Variants in CTC1 observed in about 807,000 individuals in gnomAD.
CTC1 encodes the protein CST telomere replication complex component 1, also known as CST complex subunit CTC1.
In CTC1, 91 loss-of-function variants were observed where a neutral mutation model predicts 136.3. The observed-to-expected ratio is 0.67, with a 90% CI of 0.56 to 0.79. The LOEUF is 0.79. CTC1 is among the 30% of genes least tolerant of loss of function. The pLI, the probability that CTC1 is intolerant of heterozygous loss-of-function variation, is 0.00. For missense variants in CTC1, 1,432 were observed against 1,498.1 expected, an observed-to-expected ratio of 0.96 and a Z score of 0.73; for synonymous variants, 606 against 613.8, an observed-to-expected ratio of 0.99 and a Z score of 0.19.
rs1201400384 is a variant in CTC1, at chr17:8,234,748, C to T, written c.1617+1G>A. 6.3e-7 allele frequency: 1 copy of T among 1,587,840 alleles called. No homozygotes were observed. The highest frequency in any genetic ancestry group is 1.1e-5 in the South Asian group (1 of 87,112). On this transcript the variant is annotated splice_donor_variant, in intron 9 of 22. Coordinates refer to ENST00000651323, the MANE Select transcript of CTC1 (RefSeq NM_025099.6). LOFTEE classifies it high-confidence loss of function. ...ACCATCCTTCCCCCACATCCTCATA[C>T]TTTCTGGAGGGGACAGTGATGTGGC...
At position 8,236,045 on chromosome 17, in the gene CTC1, T is replaced by TCGATCTCTC; in HGVS notation, c.1077+12_1077+13insGAGAGATCG. The TCGATCTCTC allele has an allele frequency of 6.2e-7, 1 of 1,608,582 alleles. No homozygotes were observed. Among genetic ancestry groups the TCGATCTCTC allele is most frequent in the Non-Finnish European group, 8.5e-7 (1 of 1,175,700 alleles). On this transcript the variant is annotated intron_variant, in intron 6 of 22. Transcript: ENST00000651323. ...CTGGCCCCTCAAGCTCTAGGATCTC[T>TCGATCTCTC]CCCTGTGCTCACCGAATAGGATAGG...
intron 15 of CTC1, 59 bp downstream of exon 15, chr17:8,231,217 G>A (rs530262192): frequency 3.0e-6 from 4 of 1,349,556 alleles, no homozygotes; most frequent in African/African-American, 3.0e-5. Context: ...ACCAAACCCA[G>A]CTAGCTTGGG....
chr17:8,232,369 C>G lies in CTC1; in HGVS notation c.2052G>C (p.Gln684His). The G allele has an allele frequency of 6.2e-7, 1 of 1,613,786 alleles. No homozygotes were observed. The highest frequency in any genetic ancestry group is 8.5e-7 in the Non-Finnish European group (1 of 1,179,718). ...ELSMPGFIQKQQARVYVQFFL... is the reference protein window; with the variant it reads ...ELSMPGFIQKHQARVYVQFFL... The stretch of plus-strand genomic sequence containing the variant: ...GACCCCAAGGAGCCAACCTGGCCTG[C>G]TGCTTCTGGATGAAGCCTGGCATGC... Residue 684 changes from glutamine (Q) to histidine (H), a missense_variant, in exon 12 of 23, where the codon CAG becomes CAC. Transcript: ENST00000651323.
At position 8,235,822 on chromosome 17, in the gene CTC1, C is replaced by T. The variant is rs2151521794; in HGVS notation, c.1206+9G>A. On this transcript the variant is annotated intron_variant, in intron 7 of 22. Coordinates refer to ENST00000651323, the MANE Select transcript of CTC1 (RefSeq NM_025099.6). ...GTCTCTTTTTGTTATCAGCCCTGAT[C>T]TCACATACCTGCAGACACACTCCAG... 6.3e-7 allele frequency: 1 copy of T among 1,594,770 alleles called. No homozygotes were observed. Among genetic ancestry groups the T allele is most frequent in the East Asian group, 2.3e-5 (1 of 44,370 alleles).
At chr17:8,238,892 A>C (rs2151533188) in intron 2 of CTC1, among the ~76,000 whole-genome samples, 1 of 152,096 alleles carries the variant, frequency 6.6e-6, no homozygotes, top group African/African-American at 2.4e-5. Context: ...GGAGTTTGAG[A>C]CCAGCCCGGC....
At chr17:8,230,512 A>G (rs377454925) in intron 16 of CTC1, 44 bp from the exon 17 acceptor site, 6 of 1,613,660 alleles carry the variant, frequency 3.7e-6, no homozygotes, top group Middle Eastern at 3.3e-4. Context: ...TGAAGTCCAC[A>G]AAGTCCCATC....
rs886053594 is a variant in CTC1, at chr17:8,226,323, G to A, written c.*1857C>T. On this transcript the variant is annotated 3_prime_UTR_variant, in exon 23 of 23. Transcript: ENST00000651323. ...GCCACGGCGCCGAAGCTGCCATAAA[G>A]GTTCCTGAAATTCATCTACAAGAAT... 5.9e-5 allele frequency: 9 copies of A among 152,172 alleles called. No homozygotes were observed. The highest frequency in any genetic ancestry group is 2.6e-4 in the Admixed American group (4 of 15,270). The allele number at this position is 152,172 out of a possible 1,614,324, so 9.4% of individuals were successfully genotyped here. A position where few individuals can be genotyped will look rare whatever the true frequency, so the allele number is the denominator to read the frequency against.
intron 10 of CTC1, among the ~76,000 whole-genome samples, chr17:8,234,106 T>C (rs1405516407): frequency 6.6e-6 from 1 of 152,198 alleles, no homozygotes; most frequent in Non-Finnish European, 1.5e-5. Context: ...CTCAGCCTCC[T>C]GAGTAGCTGG....
chr17:8,242,547 A>AT (rs1363648104), intron 2 of CTC1, among the ~76,000 whole-genome samples: 94 of 96,774 alleles, frequency 9.7e-4, no homozygotes, highest in African/African-American at 3.2e-3. Flanking sequence ...AAAAAAAAAA[A>AT]AAAAAAATAT....
chr17:8,236,010 A>C (rs768406266), intron 6 of CTC1, 48 bp downstream of exon 6: 1 of 1,597,906 alleles, frequency 6.3e-7, no homozygotes. Flanking sequence ...CTCTTTGAAA[A>C]CCCACATTTC....
chr17:8,245,387 A>T (rs1423954842), intron 1 of CTC1, among the ~76,000 whole-genome samples: 3 of 152,160 alleles, frequency 2.0e-5, no homozygotes, highest in African/African-American at 7.2e-5. Context: ...CTTCAGCCAC[A>T]CACTCATTCA....
chr17:8,230,850 C>T (rs1441018429), intron 15 of CTC1, 199 bp from the exon 16 acceptor site: 1 of 586,602 alleles, frequency 1.7e-6, no homozygotes, highest in Non-Finnish European at 3.0e-6. Context: ...GCAGATCATT[C>T]AAAACCCGCA....
At position 8,234,483 on chromosome 17, in the gene CTC1, A is replaced by G. The variant is rs2151516980; in HGVS notation, c.1790T>C (p.Leu597Pro). 6.4e-7 allele frequency: 1 copy of G among 1,552,628 alleles called. No homozygotes were observed. The highest frequency in any genetic ancestry group is 1.7e-4 in the Middle Eastern group (1 of 5,992). ...NRRLAWSWLC[L>P]LPSAFCPAQV... is the part of the protein sequence containing the mutation. Reference sequence around the variant, plus strand: ...GGCTGGGCAGAAGGCAGAGGGCAGCAGACAGAGCCAGGACCAAGCCAGGCG... The same window carrying G: ...GGCTGGGCAGAAGGCAGAGGGCAGCGGACAGAGCCAGGACCAAGCCAGGCG... The change falls in exon 10 of 23, where the codon CTG (leucine) becomes CCG (proline). Residue 597 changes from leucine to proline, a missense_variant. By Grantham distance (98) the Leu-to-Pro change is moderately conservative (BLOSUM62 -3). Transcript: ENST00000651323.
At chr17:8,241,911 T>C (rs1450825622) in intron 2 of CTC1, among the ~76,000 whole-genome samples, 2 of 151,698 alleles carry the variant, frequency 1.3e-5, no homozygotes, top group East Asian at 3.9e-4. Context: ...GTACCATTTA[T>C]TTAAAGTCTA....
intron 1 of CTC1, 190 bp downstream of exon 1, chr17:8,247,814 G>A: frequency 1.6e-6 from 1 of 616,604 alleles, no homozygotes; most frequent in South Asian, 1.9e-5. Flanking sequence ...CACAGCGGGC[G>A]CCGCGTGAAT....
At chr17:8,242,887 C>A in intron 2 of CTC1, 98 bp downstream of exon 2, 1 of 1,130,870 alleles carries the variant, frequency 8.8e-7, no homozygotes, top group South Asian at 1.6e-5. Flanking sequence ...TCCGCTCACT[C>A]TCTCACTTGC....
At chr17:8,245,576 C>T (rs750863935) in intron 1 of CTC1, among the ~76,000 whole-genome samples, 1 of 152,074 alleles carries the variant, frequency 6.6e-6, no homozygotes, top group African/African-American at 2.4e-5. Context: ...CAAAGTGATC[C>T]CATGGCTTCA....
chr17:8,227,035 C>T lies in CTC1; in HGVS notation c.*1145G>A, dbSNP rs1448311008. 2.0e-5 allele frequency: 3 copies of T among 151,706 alleles called. 1 individual carries two copies. The highest frequency in any genetic ancestry group is 2.9e-5 in the Non-Finnish European group (2 of 68,046). 9.4% of individuals were successfully genotyped at this position (151,706 alleles called of 1,614,324 possible). A position where few individuals can be genotyped will look rare whatever the true frequency, so the allele number is the denominator to read the frequency against. ...ACCCGCGACCTTGGCGTTATTAGCACCACGCTCTAACCAACTGAGCTAACC... is the reference window on the plus strand; with the variant it reads ...ACCCGCGACCTTGGCGTTATTAGCATCACGCTCTAACCAACTGAGCTAACC... On this transcript the variant is annotated 3_prime_UTR_variant, in exon 23 of 23. Transcript: ENST00000651323.
At chr17:8,234,433 G>C in intron 10 of CTC1, 22 bp downstream of exon 10, 2 of 1,548,690 alleles carry the variant, frequency 1.3e-6, no homozygotes, top group Non-Finnish European at 1.7e-6. Flanking sequence ...AATCACCTGA[G>C]CCCTGCTAGG....
Sources: gnomAD v4.1 joint callset for allele counts (sites outside exome capture counted in the v4.1 genomes callset) on GRCh38, gnomAD v4.1.1 for gene constraint, MANE v1.5 for transcripts, NCBI Gene and HGNC (gene_info 2026-07-23, HGNC 2026-07-21) for gene names.